CCL19: variants seen among roughly 807,000 people sequenced by gnomAD.
The protein encoded by CCL19 is C-C motif chemokine 19.
In CCL19, 5 loss-of-function variants were observed where a neutral mutation model predicts 9.7. The ratio of observed to expected loss-of-function variants is 0.51; its 90% CI spans 0.27 to 1.08. CCL19 has a LOEUF of 1.08. Among genes scored for constraint, CCL19 ranks in the 50% least tolerant of loss-of-function variants. The pLI, the probability that CCL19 is intolerant of heterozygous loss-of-function variation, is 0.12. For synonymous variants in CCL19, 40 were observed against 47.4 expected, an observed-to-expected ratio of 0.84 and a Z score of 0.64; for missense variants, 90 against 122.5, an observed-to-expected ratio of 0.73 and a Z score of 1.25.
Position 34,690,430 on chromosome 9 carries a change from G to GTA in CCL19, c.50-89_50-88insTA. On this transcript the variant is annotated intron_variant, in intron 1 of 3. Coordinates refer to ENST00000311925, the MANE Select transcript of CCL19 (RefSeq NM_006274.3). ...TAGCTCGGATTGAGGACACCTGTGTGTGTGTGTGTGTGTGTGTGTGTGTGT... is the reference window on the plus strand; with the variant it reads ...TAGCTCGGATTGAGGACACCTGTGTGTATGTGTGTGTGTGTGTGTGTGTGTGT... The GTA allele has an allele frequency of 2.5e-5, 13 of 521,850 alleles. No homozygotes were observed. In the South Asian group the frequency reaches 3.3e-4, roughly 13 times the overall value. 32.3% of individuals were successfully genotyped at this position (521,850 alleles called of 1,614,324 possible).
chr9:34,690,133 G>C, intron 2 of CCL19, 77 bp downstream of exon 2: 1 of 1,592,834 alleles, frequency 6.3e-7, no homozygotes, highest in Non-Finnish European at 8.6e-7. Flanking sequence ...TTGGCATGGA[G>C]AAGGGGAATA....
intron 1 of CCL19, 82 bp from the exon 2 acceptor site, chr9:34,690,424 CTGTGTGTGTGTGTGTGTGTGTGTG>C (rs74180568): frequency 4.9e-6 from 3 of 608,624 alleles, no homozygotes; most frequent in South Asian, 2.2e-5. Flanking sequence ...TTGAGGACAC[CTGTGTGTGTGTGTGTGTGTGTGTG>C]TGTGTGTGTG....
Position 34,689,694 on chromosome 9 carries a change from G to T in CCL19, c.*125C>A. On this transcript the variant is annotated 3_prime_UTR_variant, in exon 4 of 4. Coordinates refer to ENST00000311925, the MANE Select transcript of CCL19 (RefSeq NM_006274.3). This position sits in a 1 kb window ranked among gnomAD's most constrained non-coding sequence, Gnocchi z 4.1. ...CACACACACCCCAGGCCCTGTCCTG[G>T]CTGGTCAGGTCTGGTGCAGAGGAGC... 1.8e-6 allele frequency: 2 copies of T among 1,091,436 alleles called. No homozygotes were observed. The highest frequency in any genetic ancestry group is 4.7e-5 in the East Asian group (2 of 42,410). The allele number at this position is 1,091,436 out of a possible 1,614,324, so 67.6% of individuals were successfully genotyped here.
rs766404811 is a variant in CCL19, at chr9:34,689,703, G to T, written c.*116C>A. 12 of 1,231,280 alleles carry T rather than the reference G, an allele frequency of 9.7e-6. No individual in the cohort carries two copies. Among genetic ancestry groups the T allele is most frequent in the Admixed American group, 1.8e-5 (1 of 56,690 alleles). 76.3% of individuals were successfully genotyped at this position (1,231,280 alleles called of 1,614,324 possible). On this transcript the variant is annotated 3_prime_UTR_variant, in exon 4 of 4. Coordinates refer to ENST00000311925, the MANE Select transcript of CCL19 (RefSeq NM_006274.3). This position sits in a 1 kb window ranked among gnomAD's most constrained non-coding sequence, Gnocchi z 4.1. ...CCCAGGCCCTGTCCTGGCTGGTCAG[G>T]TCTGGTGCAGAGGAGCTGGAAGCCT...
At position 34,689,746 on chromosome 9, in the gene CCL19, C is replaced by T. The variant is rs1211707509; in HGVS notation, c.*73G>A. The stretch of plus-strand genomic sequence containing the variant: ...GGAAGCCTGGTCCTTCCTTCTGGTC[C>T]TCGGTTCCCCAGGTTAGGTAATAAT... On this transcript the variant is annotated 3_prime_UTR_variant, in exon 4 of 4. Transcript: ENST00000311925. This position sits in a 1 kb window ranked among gnomAD's most constrained non-coding sequence, Gnocchi z 4.1. 6.3e-7 allele frequency: 1 copy of T among 1,578,202 alleles called. No individual in the cohort carries two copies. The highest frequency in any genetic ancestry group is 1.3e-5 in the African/African-American group (1 of 74,190).
intron 2 of CCL19, 23 bp from the exon 3 acceptor site, chr9:34,690,046 A>G (rs1394265446): frequency 6.2e-7 from 1 of 1,610,192 alleles, no homozygotes; most frequent in African/African-American, 1.3e-5. Flanking sequence ...GCCGGAGAGA[A>G]TGGAGCCCCA....
chr9:34,689,777 A>G lies in CCL19; in HGVS notation c.*42T>C. 1.2e-6 allele frequency: 2 copies of G among 1,613,236 alleles called. No individual in the cohort carries two copies. Among genetic ancestry groups the G allele is most frequent in the East Asian group, 2.2e-5 (1 of 44,864 alleles). ...TCCCCAGGTTAGGTAATAATTCACA[A>G]TGCTTGACTCGGACTCCGGGCTCCC... is the stretch of plus-strand genomic sequence containing the variant. On this transcript the variant is annotated 3_prime_UTR_variant, in exon 4 of 4. Coordinates refer to ENST00000311925, the MANE Select transcript of CCL19 (RefSeq NM_006274.3). This position sits in a 1 kb window ranked among gnomAD's most constrained non-coding sequence, Gnocchi z 4.1.
chr9:34,689,735 TC>T lies in CCL19; in HGVS notation c.*83del. ...GCAGAGGAGCTGGAAGCCTGGTCCTTCCTTCTGGTCCTCGGTTCCCCAGGTT... is the reference window on the plus strand; with the variant it reads ...GCAGAGGAGCTGGAAGCCTGGTCCTTCTTCTGGTCCTCGGTTCCCCAGGTT... On this transcript the variant is annotated 3_prime_UTR_variant, in exon 4 of 4. Coordinates refer to ENST00000311925, the MANE Select transcript of CCL19 (RefSeq NM_006274.3). The surrounding 1 kb of genome is among the most constrained non-coding windows in gnomAD (Gnocchi z 4.1). 6.5e-7 allele frequency: 1 copy of T among 1,534,546 alleles called. No individual in the cohort carries two copies. Among genetic ancestry groups the T allele is most frequent in the African/African-American group, 1.4e-5 (1 of 73,454 alleles).
At position 34,691,055 on chromosome 9, in the gene CCL19, C is replaced by G. The variant is rs779797297; in HGVS notation, c.49+36G>C. 9 of 1,565,294 alleles carry G rather than the reference C, an allele frequency of 5.7e-6. No homozygotes were observed. The East Asian group carries it at 1.6e-4, about 28-fold the overall frequency. On this transcript the variant is annotated intron_variant, in intron 1 of 3. Coordinates refer to ENST00000311925, the MANE Select transcript of CCL19 (RefSeq NM_006274.3). ...TAGACATTACCCACTGCCAGCCCCC[C>G]ACTGCCTCTGACCCTGACTCTCCCT...
At chr9:34,691,038 A>T in intron 1 of CCL19, 53 bp downstream of exon 1, 1 of 1,465,512 alleles carries the variant, frequency 6.8e-7, no homozygotes, top group Non-Finnish European at 9.4e-7. Context: ...TCTAGACATT[A>T]CCCACTGCCA....
chr9:34,690,423 CCTGTGTGTGT>C, intron 1 of CCL19, 81 bp from the exon 2 acceptor site: 1 of 913,262 alleles, frequency 1.1e-6, no homozygotes, highest in Non-Finnish European at 1.6e-6. Context: ...ATTGAGGACA[CCTGTGTGTGT>C]GTGTGTGTGT....
chr9:34,690,402 C>CCCTAGCTCG, intron 1 of CCL19, 60 bp from the exon 2 acceptor site: 1 of 1,549,838 alleles, frequency 6.5e-7, no homozygotes, highest in Non-Finnish European at 8.8e-7. Flanking sequence ...ATGGCCATGG[C>CCCTAGCTCG]CCTAGCTCGG....
Position 34,690,327 on chromosome 9 carries a change from C to T in CCL19, c.65G>A (p.Gly22Asp). 6.2e-7 allele frequency: 1 copy of T among 1,613,702 alleles called. No homozygotes were observed. The highest frequency in any genetic ancestry group is 8.5e-7 in the Non-Finnish European group (1 of 1,179,886). The change falls in exon 2 of 4, where the codon GGC (glycine) becomes GAC (aspartate). Residue 22 changes from glycine (G) to aspartate (D), a missense_variant. By Grantham distance (94) the Gly-to-Asp change is moderately conservative. Transcript: ENST00000311925. ...LWTSPAPTLS[G>D]TNDAEDCCLS... is the part of the protein sequence containing the mutation. ...GCAGCAGTCTTCAGCATCATTGGTG[C>T]CACTCAGAGTTGGGGCTGGGATGGG... is the stretch of plus-strand genomic sequence containing the variant.
At chr9:34,690,423 C>A (rs1470089365) in intron 1 of CCL19, 81 bp from the exon 2 acceptor site, 1 of 913,262 alleles carries the variant, frequency 1.1e-6, no homozygotes, top group South Asian at 1.6e-5. Flanking sequence ...ATTGAGGACA[C>A]CTGTGTGTGT....
At chr9:34,690,414 T>A in intron 1 of CCL19, 72 bp from the exon 2 acceptor site, 1 of 1,281,388 alleles carries the variant, frequency 7.8e-7, no homozygotes, top group Non-Finnish European at 1.1e-6. Flanking sequence ...CTAGCTCGGA[T>A]TGAGGACACC....
intron 1 of CCL19, 139 bp from the exon 2 acceptor site, chr9:34,690,481 G>A (rs1006676047): frequency 2.3e-5 from 18 of 771,806 alleles, no homozygotes; most frequent in Middle Eastern, 3.8e-4. Context: ...TGGTGGGGTC[G>A]GGGAGGAGTT....
At chr9:34,690,185 G>GCTAGACA (rs1406912068) in intron 2 of CCL19, 25 bp downstream of exon 2, 1 of 1,613,674 alleles carries the variant, frequency 6.2e-7, no homozygotes, top group Non-Finnish European at 8.5e-7. Flanking sequence ...GGGAGATGAG[G>GCTAGACA]CTAGACACCC....
intron 2 of CCL19, 85 bp from the exon 3 acceptor site, chr9:34,690,108 T>C: frequency 1.3e-6 from 2 of 1,583,768 alleles, no homozygotes; most frequent in South Asian, 2.2e-5. Context: ...AGGGATTTCC[T>C]TGAAGGGGTT....
Position 34,689,674 on chromosome 9 carries a change from A to G in CCL19, c.*145T>C. On this transcript the variant is annotated 3_prime_UTR_variant, in exon 4 of 4. Coordinates refer to ENST00000311925, the MANE Select transcript of CCL19 (RefSeq NM_006274.3). The surrounding 1 kb of genome is among the most constrained non-coding windows in gnomAD (Gnocchi z 4.1). ...CTCTCGCTCACACTCACACTCACAC[A>G]CACCCCAGGCCCTGTCCTGGCTGGT... The G allele has an allele frequency of 2.3e-6, 2 of 878,570 alleles. No individual in the cohort carries two copies. The highest frequency in any genetic ancestry group is 1.7e-5 in the African/African-American group (1 of 59,852). The allele number at this position is 878,570 out of a possible 1,614,324, so 54.4% of individuals were successfully genotyped here.
Sources: allele counts gnomAD v4.1 joint callset, GRCh38; gene constraint gnomAD v4.1.1; non-coding constraint Gnocchi (gnomAD v3.1); transcripts MANE v1.5; gene names NCBI Gene and HGNC (gene_info 2026-07-23, HGNC 2026-07-21).